SYTL5: variants seen among roughly 807,000 people sequenced by gnomAD.
The protein encoded by SYTL5 is synaptotagmin-like protein 5.
Under a neutral mutation model 55.9 loss-of-function variants are expected in SYTL5, and 34 were observed. The observed-to-expected ratio is 0.61, with a 90% CI of 0.46 to 0.81. The LOEUF is 0.81. Ranked by LOEUF, SYTL5 falls within the 30% of genes least tolerant of loss-of-function variation. The probability of loss-of-function intolerance (pLI) is 0.00; values close to 1 mark genes in which losing one functional copy is unlikely to be tolerated. For missense variants in SYTL5, 637 were observed against 546.7 expected (o/e 1.17, Z -1.65); for synonymous variants, 221 against 188.7 (o/e 1.17, Z -1.40).
At chrX:37,896,498 A>G in the SYTL5 span, among the ~76,000 whole-genome samples, 1 of 111,217 alleles carries the variant, frequency 9.0e-6, no homozygotes, top group Non-Finnish European at 1.9e-5. Flanking sequence ...AAAAGACTTT[A>G]GCAAATAAGA....
At chrX:38,022,612 A>G (rs1392464650) in intron 1 of SYTL5, among the ~76,000 whole-genome samples, 1 of 111,924 alleles carries the variant, frequency 8.9e-6, no homozygotes, top group Non-Finnish European at 1.9e-5. Flanking sequence ...TCCCTCTTGT[A>G]AGGATCATTG....
At chrX:38,002,698 T>C (rs1286951447), upstream of SYTL5, among the ~76,000 whole-genome samples, 1 of 112,239 alleles carries the variant, frequency 8.9e-6, no homozygotes, top group Non-Finnish European at 1.9e-5. Flanking sequence ...CTTTGCCCAC[T>C]TTTTGATGGG....
At chrX:37,902,822 T>C in the SYTL5 span, among the ~76,000 whole-genome samples, 1 of 111,727 alleles carries the variant, frequency 9.0e-6, no homozygotes, top group Non-Finnish European at 1.9e-5. Context: ...CCTGGAGTTA[T>C]CAGGAAAGAG....
chrX:38,093,679 C>T (rs1010798782), intron 7 of SYTL5, among the ~76,000 whole-genome samples: 23 of 111,398 alleles, frequency 2.1e-4, no homozygotes, highest in African/African-American at 7.2e-4. Flanking sequence ...GCAGACACCA[C>T]ACAAAAAAAA....
chrX:38,052,191 T>C (rs374320182), intron 2 of SYTL5, among the ~76,000 whole-genome samples: 5 of 111,705 alleles, frequency 4.5e-5, no homozygotes, highest in Admixed American at 2.8e-4. Flanking sequence ...TGAAGCCAAG[T>C]CAAGGGTATA....
At chrX:37,896,149 CCTT>C in the SYTL5 span, among the ~76,000 whole-genome samples, 4 of 112,199 alleles carry the variant, frequency 3.6e-5, no homozygotes, top group Non-Finnish European at 3.8e-5. Flanking sequence ...TGGAAGGAAA[CCTT>C]CTCACATAAA....
At chrX:37,972,212 T>C in the SYTL5 span, among the ~76,000 whole-genome samples, 1 of 110,943 alleles carries the variant, frequency 9.0e-6, no homozygotes, top group African/African-American at 3.3e-5. Flanking sequence ...CAGTCTCTCA[T>C]TTATCTAGGA....
the SYTL5 span, among the ~76,000 whole-genome samples, chrX:37,957,041 A>G: frequency 2.7e-5 from 3 of 111,843 alleles, no homozygotes; most frequent in Non-Finnish European, 5.6e-5. Context: ...ATTATTAGTG[A>G]TGCTGAACAT....
chrX:38,018,316 T>C (rs1401293530), intron 1 of SYTL5, among the ~76,000 whole-genome samples: 2 of 111,576 alleles, frequency 1.8e-5, no homozygotes, highest in African/African-American at 6.5e-5. Flanking sequence ...CTTTTGCCCC[T>C]TTCACTTCTC....
At chrX:38,092,685 T>C (rs1055149145) in intron 7 of SYTL5, among the ~76,000 whole-genome samples, 2 of 111,239 alleles carry the variant, frequency 1.8e-5, no homozygotes, top group Non-Finnish European at 3.8e-5. Flanking sequence ...GACTCCAATG[T>C]CAGTCTCCTC....
chrX:38,119,229 T>G (rs1317169081), intron 13 of SYTL5, among the ~76,000 whole-genome samples: 1 of 110,701 alleles, frequency 9.0e-6, no homozygotes, highest in Admixed American at 9.7e-5. Flanking sequence ...CCTATGCAAT[T>G]TTATCACCTT....
intron 1 of SYTL5, among the ~76,000 whole-genome samples, chrX:38,029,834 A>G (rs1299670314): frequency 6.6e-5 from 6 of 90,340 alleles, no homozygotes; most frequent in Non-Finnish European, 1.2e-4. Context: ...AACTAATTAA[A>G]GTTTTTAAAA....
chrX:37,966,595 G>A, the SYTL5 span, among the ~76,000 whole-genome samples: 3 of 108,888 alleles, frequency 2.8e-5, no homozygotes, highest in African/African-American at 6.7e-5. Context: ...ACGCCACCAC[G>A]TCTGGCTAAT....
At chrX:37,972,902 G>A in the SYTL5 span, among the ~76,000 whole-genome samples, 8 of 107,121 alleles carry the variant, frequency 7.5e-5, no homozygotes, top group Non-Finnish European at 9.9e-5. Flanking sequence ...TAAAGATAAA[G>A]TATTGTGGAG....
the SYTL5 span, among the ~76,000 whole-genome samples, chrX:37,936,269 C>T: frequency 3.6e-5 from 4 of 111,897 alleles, no homozygotes; most frequent in Admixed American, 1.9e-4. Flanking sequence ...ATTGTTGTGG[C>T]CATCTTTAGA....
chrX:38,116,758 A>G lies in SYTL5; in HGVS notation c.1597-3600A>G, dbSNP rs1202994758. 2.7e-5 allele frequency among the ~76,000 whole-genome samples: 3 copies of G among 112,460 alleles called. No homozygotes were observed. The East Asian group carries it at 8.3e-4, about 31-fold the overall frequency. ...AAACTATATAATTAAAATCACAAAT[A>G]TGCCTGGCCTAAAGAGCTTAGGGGA... On this transcript the variant is annotated intron_variant, in intron 13 of 16. Coordinates refer to ENST00000297875, the MANE Select transcript of SYTL5 (RefSeq NM_138780.3).
At chrX:38,123,856 G>A (rs1422836177) in intron 15 of SYTL5, among the ~76,000 whole-genome samples, 1 of 112,249 alleles carries the variant, frequency 8.9e-6, no homozygotes, top group East Asian at 2.8e-4. Flanking sequence ...AAAGACATGA[G>A]ATTTTTTTAA....
the SYTL5 span, among the ~76,000 whole-genome samples, chrX:37,937,727 A>C: frequency 8.9e-6 from 1 of 112,303 alleles, no homozygotes; most frequent in Admixed American, 9.4e-5. Flanking sequence ...CAGTGGATCA[A>C]CAGAGTACCA....
the SYTL5 span, among the ~76,000 whole-genome samples, chrX:37,893,680 GA>G: frequency 2.1e-4 from 12 of 56,142 alleles, 1 homozygote; most frequent in East Asian, 6.7e-3. Context: ...ATAATCTATA[GA>G]TAAACTATAG....
Sources: gnomAD v4.1 joint callset for allele counts (sites outside exome capture counted in the v4.1 genomes callset) on GRCh38, gnomAD v4.1.1 for gene constraint, MANE v1.5 for transcripts, NCBI Gene and HGNC (gene_info 2026-07-23, HGNC 2026-07-21) for gene names.